Variants in FBXO34 observed in about 807,000 individuals in gnomAD.
The protein encoded by FBXO34 is F-box protein 34, also known as F-box only protein 34.
In FBXO34, 12 loss-of-function variants were observed where a neutral mutation model predicts 24.5. The observed-to-expected ratio is 0.49, with a 90% CI of 0.31 to 0.79. The LOEUF (loss-of-function observed/expected upper bound fraction) is 0.79, where lower values mean the gene tolerates loss of function less well. FBXO34 is among the 30% of genes least tolerant of loss of function. The pLI, the probability that FBXO34 is intolerant of heterozygous loss-of-function variation, is 0.04. For synonymous variants in FBXO34, 320 were observed against 311.9 expected (o/e 1.03, Z -0.27); for missense variants, 823 against 857.7 (o/e 0.96, Z 0.51).
intron 1 of FBXO34, among the ~76,000 whole-genome samples, chr14:55,346,797 G>A (rs1282481227): frequency 1.3e-5 from 2 of 152,152 alleles, no homozygotes; most frequent in Non-Finnish European, 2.9e-5. Context: ...AGTTTATTGT[G>A]TTTTAAAAAG....
At chr14:55,355,001 GCTTTT>G (rs772557538), downstream of FBXO34, 1 of 152,036 alleles carries the variant, frequency 6.6e-6, no homozygotes, top group Non-Finnish European at 1.5e-5. Context: ...TCCCCCCTCA[GCTTTT>G]CTTCAGGGAC....
chr14:55,392,648 C>CAA, the FBXO34 span, among the ~76,000 whole-genome samples: 5 of 51,838 alleles, frequency 9.6e-5, no homozygotes, highest in African/African-American at 1.5e-4. Flanking sequence ...GACTCCACCT[C>CAA]AAAAAAAAAA....
At chr14:55,380,706 AACC>A in the FBXO34 span, 2 of 1,539,362 alleles carry the variant, frequency 1.3e-6, no homozygotes, top group South Asian at 1.2e-5. Context: ...GTAAGAAAAC[AACC>A]ACCATGTACA....
At chr14:55,433,744 A>T in the FBXO34 span, 6 of 1,607,956 alleles carry the variant, frequency 3.7e-6, no homozygotes, top group East Asian at 4.5e-5. Context: ...ACCAAAAGAG[A>T]ATTAGCCTCT....
the FBXO34 span, chr14:55,395,098 G>A: frequency 9.5e-5 from 48 of 503,228 alleles, 1 homozygote; most frequent in African/African-American, 9.0e-4. Flanking sequence ...TTTGTCTGAA[G>A]ATTTATCCTT....
downstream of FBXO34, among the ~76,000 whole-genome samples, chr14:55,372,320 A>C (rs1566576782): frequency 6.6e-6 from 1 of 151,994 alleles, no homozygotes; most frequent in Non-Finnish European, 1.5e-5. Context: ...CTTGCTGGAG[A>C]GCTGCCTCTC....
the FBXO34 span, chr14:55,428,752 A>G: frequency 1.9e-6 from 3 of 1,544,172 alleles, no homozygotes; most frequent in Non-Finnish European, 8.8e-7. Flanking sequence ...AGCAACCCAT[A>G]ATGTAACTTA....
At chr14:55,400,410 T>C in the FBXO34 span, among the ~76,000 whole-genome samples, 8 of 152,232 alleles carry the variant, frequency 5.3e-5, no homozygotes, top group African/African-American at 1.7e-4. Flanking sequence ...TCTTTTTCCA[T>C]GCCAGAACAT....
chr14:55,371,892 G>C (rs556556992), downstream of FBXO34, among the ~76,000 whole-genome samples: 17 of 152,246 alleles, frequency 1.1e-4, no homozygotes, highest in African/African-American at 3.9e-4. Context: ...TCAGTATTTT[G>C]CAAGGGTGAA....
chr14:55,350,510 T>C lies in FBXO34; in HGVS notation c.120T>C (p.Ala40=), dbSNP rs1268109269. Residue 40 remains alanine, a synonymous_variant, in exon 2 of 2, where the codon GCT becomes GCC. Coordinates refer to ENST00000313833, the MANE Select transcript of FBXO34 (RefSeq NM_017943.4). The part of the protein sequence containing the change: ...QKAVNDETCK[A]SHITSSVFPS... ...CTGTAAATGATGAAACATGCAAAGC[T>C]AGCCACATAACATCAAGTGTCTTTC... 6.2e-7 allele frequency: 1 copy of C among 1,613,908 alleles called. No individual in the cohort carries two copies. Among genetic ancestry groups the C allele is most frequent in the Non-Finnish European group, 8.5e-7 (1 of 1,179,986 alleles).
At chr14:55,437,014 C>T in the FBXO34 span, 1 of 1,612,840 alleles carries the variant, frequency 6.2e-7, no homozygotes, top group Non-Finnish European at 8.5e-7. Context: ...TGGGGCAAGG[C>T]CATCCTAGGC....
chr14:55,426,608 T>A, the FBXO34 span, among the ~76,000 whole-genome samples: 1 of 151,738 alleles, frequency 6.6e-6, no homozygotes, highest in African/African-American at 2.4e-5. Context: ...GGAGTTGTAA[T>A]CCATAACCTG....
chr14:55,351,791 G>A lies in FBXO34; in HGVS notation c.1401G>A (p.Gln467=), dbSNP rs755803575. Residue 467 remains glutamine (Q), a synonymous_variant, in exon 2 of 2, where the codon CAG becomes CAA. Coordinates refer to ENST00000313833, the MANE Select transcript of FBXO34 (RefSeq NM_017943.4). ...CTGTGTCCAAGGTAGACAAAGACCA[G>A]CCTTCCATTTTAAACTCCTGTGAAG... The part of the protein sequence containing the change: ...SITVSKVDKD[Q]PSILNSCEDP... The A allele has an allele frequency of 2.1e-5, 34 of 1,614,072 alleles. No homozygotes were observed. The highest frequency in any genetic ancestry group is 2.7e-5 in the Non-Finnish European group (32 of 1,180,044).
chr14:55,290,911 C>T (rs575964278), intron 1 of FBXO34, among the ~76,000 whole-genome samples: 8 of 152,276 alleles, frequency 5.3e-5, no homozygotes, highest in South Asian at 2.1e-4. Flanking sequence ...CTTCTGCCTC[C>T]GGAGTTCAAG....
rs539468602 is a variant in FBXO34, at chr14:55,353,124, G to A, written c.*598G>A. ...TGTGTTTTCATGGGGCTATGAAAGT[G>A]CACGTTAAACCTGAGCGCCTTTACC... On this transcript the variant is annotated 3_prime_UTR_variant, in exon 2 of 2. Transcript: ENST00000313833. The A allele has an allele frequency of 4.2e-5, 7 of 167,678 alleles. No homozygotes were observed. The highest frequency in any genetic ancestry group is 1.7e-4 in the African/African-American group (7 of 41,542). The allele number at this position is 167,678 out of a possible 1,614,324, so 10.4% of individuals were successfully genotyped here. A position where few individuals can be genotyped will look rare whatever the true frequency, so the allele number is the denominator to read the frequency against.
intron 1 of FBXO34, among the ~76,000 whole-genome samples, chr14:55,297,255 C>A (rs180901838): frequency 2.0e-5 from 3 of 152,150 alleles, no homozygotes; most frequent in Admixed American, 2.0e-4. Flanking sequence ...TGAGGACTCC[C>A]GTACCCTATC....
At chr14:55,335,252 G>A (rs929469209) in intron 1 of FBXO34, 2 of 152,212 alleles carry the variant, frequency 1.3e-5, no homozygotes, top group African/African-American at 4.8e-5. Context: ...TGCCTCTTAT[G>A]TGAAAAGTCT....
chr14:55,414,946 G>T, the FBXO34 span, among the ~76,000 whole-genome samples: 3 of 152,224 alleles, frequency 2.0e-5, no homozygotes, highest in African/African-American at 7.2e-5. Context: ...CATGGGAAGG[G>T]ATTATTAGAG....
intron 1 of FBXO34, among the ~76,000 whole-genome samples, chr14:55,348,681 G>C (rs940977723): frequency 6.6e-6 from 1 of 152,174 alleles, no homozygotes; most frequent in Non-Finnish European, 1.5e-5. Context: ...TATTTCAGGG[G>C]TAACTTTTAA....
Sources: gnomAD v4.1 joint callset for allele counts (sites outside exome capture counted in the v4.1 genomes callset) on GRCh38, gnomAD v4.1.1 for gene constraint, MANE v1.5 for transcripts, NCBI Gene and HGNC (gene_info 2026-07-23, HGNC 2026-07-21) for gene names.